Variants in FAM83B observed in about 807,000 individuals in gnomAD.
The protein encoded by FAM83B is scaffolding CK1 anchoring protein B.
Under a neutral mutation model 38.8 loss-of-function variants are expected in FAM83B, and 26 were observed. That is an observed-to-expected ratio of 0.67 (90% CI 0.49 to 0.93). The LOEUF is 0.93. Ranked by LOEUF, FAM83B falls within the 40% of genes least tolerant of loss-of-function variation. The probability of loss-of-function intolerance (pLI) is 0.00; values close to 1 mark genes in which losing one functional copy is unlikely to be tolerated. For synonymous variants in FAM83B, 419 were observed against 423.1 expected, an observed-to-expected ratio of 0.99 and a Z score of 0.12; for missense variants, 1,237 against 1,197.3, an observed-to-expected ratio of 1.03 and a Z score of -0.49.
At position 54,941,103 on chromosome 6, in the gene FAM83B, A is replaced by ACTAAAAG. The variant is rs1561933473; in HGVS notation, c.2133_2134insTAAAAGC (p.Asn712Ter). ...TTGCTGAAAAGTTCTAAAAGCATGC[A>ACTAAAAG]CAATGTGACTCATAACTTGGAGGAG... On this transcript the variant is annotated stop_gained and frameshift_variant, in exon 5 of 5. Transcript: ENST00000306858. LOFTEE classifies it high-confidence loss of function. 6.2e-7 allele frequency: 1 copy of ACTAAAAG among 1,613,484 alleles called. No homozygotes were observed. Among genetic ancestry groups the ACTAAAAG allele is most frequent in the East Asian group, 2.2e-5 (1 of 44,854 alleles).
chr6:54,906,430 G>C (rs527458723), intron 2 of FAM83B, among the ~76,000 whole-genome samples: 2 of 151,998 alleles, frequency 1.3e-5, no homozygotes, highest in Non-Finnish European at 2.9e-5. Context: ...TGTTGCCCAG[G>C]CTGGAGTACG....
chr6:54,846,966 G>T (rs1403915257), intron 1 of FAM83B, 140 bp downstream of exon 1: 2 of 152,516 alleles, frequency 1.3e-5, no homozygotes, highest in Non-Finnish European at 1.5e-5. Flanking sequence ...AGGGATAGGG[G>T]ACTCTCCCTT....
intron 2 of FAM83B, among the ~76,000 whole-genome samples, chr6:54,902,819 G>GCT (rs1190265897): frequency 6.6e-6 from 1 of 152,064 alleles, no homozygotes; most frequent in Non-Finnish European, 1.5e-5. Flanking sequence ...TACTGTACTT[G>GCT]CTCTCTCTCT....
At chr6:54,864,730 G>A (rs1312753394) in intron 1 of FAM83B, among the ~76,000 whole-genome samples, 2 of 152,268 alleles carry the variant, frequency 1.3e-5, no homozygotes, top group East Asian at 3.9e-4. Context: ...GACAGCTGAA[G>A]AAAGAAAAGA....
chr6:54,938,878 A>G (rs984842890), intron 4 of FAM83B, among the ~76,000 whole-genome samples: 14 of 151,656 alleles, frequency 9.2e-5, no homozygotes, highest in Admixed American at 2.6e-4. Context: ...GGTTCCATCT[A>G]TTTTTCTCTG....
At chr6:54,917,570 C>T (rs1773074599) in intron 2 of FAM83B, among the ~76,000 whole-genome samples, 3 of 152,062 alleles carry the variant, frequency 2.0e-5, no homozygotes, top group Non-Finnish European at 2.9e-5. Context: ...CTTTTGCCTT[C>T]TTGTTCAGAA....
At chr6:54,871,011 A>G (rs941881849) in intron 2 of FAM83B, among the ~76,000 whole-genome samples, 7 of 152,164 alleles carry the variant, frequency 4.6e-5, no homozygotes, top group African/African-American at 9.6e-5. Context: ...TAAAGCACCT[A>G]AATTTTTCTT....
chr6:54,872,518 A>G (rs1394725414), intron 2 of FAM83B, among the ~76,000 whole-genome samples: 2 of 152,210 alleles, frequency 1.3e-5, no homozygotes, highest in African/African-American at 2.4e-5. Context: ...TTCTTATTGT[A>G]GTAACTTAGT....
intron 2 of FAM83B, among the ~76,000 whole-genome samples, chr6:54,922,594 C>A (rs113715070): frequency 6.6e-6 from 1 of 151,750 alleles, no homozygotes; most frequent in Non-Finnish European, 1.5e-5. Context: ...GCTCCTCATA[C>A]CATTTATAAA....
At chr6:54,900,393 G>T (rs570213743) in intron 2 of FAM83B, among the ~76,000 whole-genome samples, 1 of 152,242 alleles carries the variant, frequency 6.6e-6, no homozygotes, top group Admixed American at 6.5e-5. Context: ...GTGAGCTTTT[G>T]CCTGACAGGA....
chr6:54,872,688 G>A (rs1443867029), intron 2 of FAM83B, among the ~76,000 whole-genome samples: 1 of 152,072 alleles, frequency 6.6e-6, no homozygotes, highest in African/African-American at 2.4e-5. Context: ...TTTCTAATGT[G>A]GCAGCTTTGT....
intron 2 of FAM83B, among the ~76,000 whole-genome samples, chr6:54,885,897 G>A (rs969511685): frequency 6.6e-6 from 1 of 151,920 alleles, no homozygotes; most frequent in Admixed American, 6.6e-5. Context: ...CAGCACACCA[G>A]CATGGCACAT....
Position 54,939,946 on chromosome 6 carries a change from A to G in FAM83B, c.975A>G (p.Arg325=). The G allele has an allele frequency of 6.2e-7, 1 of 1,614,062 alleles. No homozygotes were observed. The highest frequency in any genetic ancestry group is 8.5e-7 in the Non-Finnish European group (1 of 1,179,968). The change falls in exon 5 of 5, where the codon AGA becomes AGG. Residue 325 remains arginine (R), a synonymous_variant. Transcript: ENST00000306858. Reference sequence around the variant, plus strand: ...CCAGCCAGAGAAACCTTTTTGGTAGACAAGACAAGATTCATAAACTAGATT... The same window carrying G: ...CCAGCCAGAGAAACCTTTTTGGTAGGCAAGACAAGATTCATAAACTAGATT... ...SVSSQRNLFG[R]QDKIHKLDSS... is the part of the protein sequence containing the mutation.
At chr6:54,851,741 G>C (rs555141233) in intron 1 of FAM83B, among the ~76,000 whole-genome samples, 1 of 136,044 alleles carries the variant, frequency 7.4e-6, no homozygotes, top group East Asian at 2.1e-4. Context: ...TCCGCCTCCC[G>C]GGTTCATGCC....
chr6:54,858,032 G>T (rs1330384558), intron 1 of FAM83B, among the ~76,000 whole-genome samples: 1 of 152,198 alleles, frequency 6.6e-6, no homozygotes, highest in Non-Finnish European at 1.5e-5. Context: ...GGATATGTGA[G>T]TCTAGAGGAG....
chr6:54,897,505 A>T (rs1772564716), intron 2 of FAM83B, among the ~76,000 whole-genome samples: 1 of 152,174 alleles, frequency 6.6e-6, no homozygotes, highest in Admixed American at 6.6e-5. Context: ...CAGAAATCCT[A>T]ATAACAGTTT....
At chr6:54,880,415 G>GCGA (rs1277421978) in intron 2 of FAM83B, among the ~76,000 whole-genome samples, 1 of 149,378 alleles carries the variant, frequency 6.7e-6, no homozygotes, top group Non-Finnish European at 1.5e-5. Flanking sequence ...TTTTACTAGT[G>GCGA]CGACAAATGT....
chr6:54,849,762 T>C (rs1756896129), intron 1 of FAM83B, among the ~76,000 whole-genome samples: 1 of 123,224 alleles, frequency 8.1e-6, no homozygotes, highest in Non-Finnish European at 1.8e-5. Flanking sequence ...AGAAGTCCCC[T>C]AAGGGCACAT....
At chr6:54,914,726 A>G (rs1561923409) in intron 2 of FAM83B, among the ~76,000 whole-genome samples, 1 of 152,092 alleles carries the variant, frequency 6.6e-6, no homozygotes, top group Non-Finnish European at 1.5e-5. Flanking sequence ...ATAAACTGTT[A>G]TTGTATTTCT....
Sources: gnomAD v4.1 joint callset for allele counts (sites outside exome capture counted in the v4.1 genomes callset) on GRCh38, gnomAD v4.1.1 for gene constraint, MANE v1.5 for transcripts, NCBI Gene and HGNC (gene_info 2026-07-23, HGNC 2026-07-21) for gene names.